DNMT3A: variants seen among roughly 807,000 people sequenced by gnomAD.
The protein encoded by DNMT3A is DNA (cytosine-5)-methyltransferase 3A.
DNMT3A carries 267 observed loss-of-function variants against 117.6 expected under a neutral mutation model. The observed-to-expected ratio is 2.27, with a 90% CI of 2.05 to 2.51. The LOEUF is 2.51. Ranked by LOEUF, DNMT3A falls within the 30% of genes most tolerant of loss-of-function variation. The pLI is 0.00. For synonymous variants in DNMT3A, 432 were observed against 474.8 expected, an observed-to-expected ratio of 0.91 and a Z score of 1.17; for missense variants, 1,029 against 1,260.2, an observed-to-expected ratio of 0.82 and a Z score of 2.78.
chr2:25,328,607 C>A, intron 1 of DNMT3A: 2 of 490,228 alleles, frequency 4.1e-6, no homozygotes, highest in Non-Finnish European at 4.2e-6. Context: ...GCTTGTCCCC[C>A]GCAACCCCGT....
intron 3 of DNMT3A, among the ~76,000 whole-genome samples, chr2:25,295,461 C>T (rs1051259458): frequency 1.3e-5 from 2 of 152,276 alleles, no homozygotes; most frequent in Admixed American, 1.3e-4. Context: ...TTGCCCTCAG[C>T]CCCCTGCAGC....
At chr2:25,271,020 G>A (rs187812246) in intron 6 of DNMT3A, among the ~76,000 whole-genome samples, 165 of 151,782 alleles carry the variant, frequency 1.1e-3, no homozygotes, top group Middle Eastern at 3.4e-3. Flanking sequence ...GCGAAACTCC[G>A]TCTCAAAAAA....
intron 3 of DNMT3A, among the ~76,000 whole-genome samples, chr2:25,285,893 TG>T (rs2032275994): frequency 6.6e-6 from 1 of 152,150 alleles, no homozygotes; most frequent in Non-Finnish European, 1.5e-5. Flanking sequence ...AGCCACCTTC[TG>T]GGATCCAGCT....
At position 25,298,043 on chromosome 2, in the gene DNMT3A, C is replaced by G. The variant is rs1483784033; in HGVS notation, c.177+2096G>C. 6.6e-6 allele frequency among the ~76,000 whole-genome samples: 1 copy of G among 152,262 alleles called. No homozygotes were observed. The highest frequency in any genetic ancestry group is 2.4e-5 in the African/African-American group (1 of 41,480). ...TTGGCCAGGCGGGGGCAGGCCCGAC[C>G]TTTGCTGAGGCTCCTTGGTGCTTGC... On this transcript the variant is annotated intron_variant, in intron 3 of 22. Coordinates refer to ENST00000321117, the MANE Select transcript of DNMT3A (RefSeq NM_022552.5). The surrounding 1 kb of genome is among the most constrained non-coding windows in gnomAD (Gnocchi z 4.3).
chr2:25,307,105 A>G (rs2033820074), intron 2 of DNMT3A, among the ~76,000 whole-genome samples: 1 of 152,216 alleles, frequency 6.6e-6, no homozygotes, highest in South Asian at 2.1e-4. Flanking sequence ...ACTAATCATG[A>G]TGACAGAATG....
intron 1 of DNMT3A, among the ~76,000 whole-genome samples, chr2:25,325,214 C>G (rs1024483807): frequency 8.5e-5 from 13 of 152,192 alleles, no homozygotes; most frequent in South Asian, 8.3e-4. Context: ...AATGAGCCAA[C>G]ACAGACTTCC....
rs181719804 is a variant in DNMT3A, at chr2:25,271,816, A to G, written c.639+3125T>C. 4.2e-3 allele frequency among the ~76,000 whole-genome samples: 635 copies of G among 152,316 alleles called. 4 individuals carry two copies. Among genetic ancestry groups the G allele is most frequent in the African/African-American group, 0.014 (579 of 41,574 alleles). On this transcript the variant is annotated intron_variant, in intron 6 of 22. Coordinates refer to ENST00000321117, the MANE Select transcript of DNMT3A (RefSeq NM_022552.5). ...ATTAAATCAACATTTTGGTTTTTCT[A>G]ATAATGCCCACTGCTACCTTCATTG...
Position 25,243,930 on chromosome 2 carries a change from C to T in DNMT3A, c.1904G>A (p.Arg635Gln), listed in dbSNP as rs751562376. 34 of 1,552,030 alleles carry T rather than the reference C, an allele frequency of 2.2e-5. No homozygotes were observed. Among genetic ancestry groups the T allele is most frequent in the Non-Finnish European group, 2.1e-5 (24 of 1,147,092 alleles). Residue 635 changes from arginine (R) to glutamine (Q), a missense_variant, in exon 16 of 23, where the codon CGG becomes CAG. Arg to Gln is a conservative substitution (Grantham distance 43). Coordinates refer to ENST00000321117, the MANE Select transcript of DNMT3A (RefSeq NM_022552.5). ...PVPAEKRKPIRVLSLFDGIAT... is the reference protein window; with the variant it reads ...PVPAEKRKPIQVLSLFDGIAT... ...GATTCCATCAAAGAGAGACAGCACCCGGATGGGCTTCCTCTTCTCAGCTGG... is the reference window on the plus strand; with the variant it reads ...GATTCCATCAAAGAGAGACAGCACCTGGATGGGCTTCCTCTTCTCAGCTGG...
At chr2:25,235,892 T>C (rs990617076) in intron 21 of DNMT3A, 67 bp from the exon 22 acceptor site, 6 of 1,413,424 alleles carry the variant, frequency 4.2e-6, no homozygotes, top group Non-Finnish European at 6.0e-6. Flanking sequence ...GTCATGCGTC[T>C]ACCAAATATG....
Position 25,239,141 on chromosome 2 carries a change from GGGAA to G in DNMT3A, c.2393_2396del (p.Leu798ProfsTer3), listed in dbSNP as rs1415663114. 6.2e-7 allele frequency: 1 copy of G among 1,613,928 alleles called. No individual in the cohort carries two copies. The highest frequency in any genetic ancestry group is 1.7e-5 in the Admixed American group (1 of 60,002). On this transcript the variant is annotated frameshift_variant, in exon 20 of 23. Coordinates refer to ENST00000321117, the MANE Select transcript of DNMT3A (RefSeq NM_022552.5). LOFTEE classifies it high-confidence loss of function. ...GAGCTTTCACCAACCTGTTCATACC[GGGAA>G]GGTTACCCCAGAAGTAGCGGGCCCT...
intron 6 of DNMT3A, among the ~76,000 whole-genome samples, chr2:25,273,479 G>A (rs1476920579): frequency 1.3e-5 from 2 of 152,118 alleles, no homozygotes. Flanking sequence ...GGAGGCCTGG[G>A]GTAAAGACGA....
At chr2:25,317,812 C>T (rs1279670269) in intron 1 of DNMT3A, among the ~76,000 whole-genome samples, 1 of 152,028 alleles carries the variant, frequency 6.6e-6, no homozygotes, top group Non-Finnish European at 1.5e-5. Flanking sequence ...CTCGGCTCAC[C>T]GCAACCTCCG....
chr2:25,342,164 C>A (rs1282892050), upstream of DNMT3A, among the ~76,000 whole-genome samples: 1 of 145,264 alleles, frequency 6.9e-6, no homozygotes, highest in East Asian at 2.0e-4. This position sits in a 1 kb window ranked among gnomAD's most constrained non-coding sequence, Gnocchi z 5.9. Context: ...GAGGCAGCGC[C>A]GACTGGGGGG....
chr2:25,315,487 C>T (rs542208508), intron 1 of DNMT3A, among the ~76,000 whole-genome samples: 1 of 152,306 alleles, frequency 6.6e-6, no homozygotes, highest in East Asian at 1.9e-4. Context: ...TTCCCCATAC[C>T]CCTAGGCACA....
At chr2:25,338,051 A>T (rs1336969384) in intron 1 of DNMT3A, among the ~76,000 whole-genome samples, 1 of 152,220 alleles carries the variant, frequency 6.6e-6, no homozygotes, top group Non-Finnish European at 1.5e-5. Flanking sequence ...AGACACACTC[A>T]ACTCCCAGTG....
intron 4 of DNMT3A, among the ~76,000 whole-genome samples, chr2:25,279,894 T>C (rs919449051): frequency 6.6e-6 from 1 of 152,120 alleles, no homozygotes; most frequent in African/African-American, 2.4e-5. Flanking sequence ...TTTCACTGTG[T>C]TGGCCCGGCT....
chr2:25,335,629 T>C (rs1349063689), intron 1 of DNMT3A, among the ~76,000 whole-genome samples: 1 of 152,100 alleles, frequency 6.6e-6, no homozygotes, highest in Non-Finnish European at 1.5e-5. Context: ...TGAGCCCCCC[T>C]CCCCTTTCAT....
chr2:25,284,787 C>CT (rs767131144), intron 3 of DNMT3A, among the ~76,000 whole-genome samples: 50 of 151,494 alleles, frequency 3.3e-4, no homozygotes, highest in Admixed American at 9.9e-4. Context: ...AGTGAGCATC[C>CT]TTTCCAGATT....
rs1674890763 is a variant in DNMT3A at position 25,247,054 on chromosome 2, C to T, written c.1119G>A (p.Leu373=). ...PMYRKAIYEV[L]QVASSRAGKL... ...AGCTCCCAGCAGGGACACTCACCTGCAGGACCTCGTAGATGGCTTTGCGGT... is the reference window on the plus strand; with the variant it reads ...AGCTCCCAGCAGGGACACTCACCTGTAGGACCTCGTAGATGGCTTTGCGGT... Residue 373 remains leucine (L), a synonymous_variant, in exon 9 of 23, where the codon CTG becomes CTA. Coordinates refer to ENST00000321117, the MANE Select transcript of DNMT3A (RefSeq NM_022552.5). This position sits in a 1 kb window ranked among gnomAD's most constrained non-coding sequence, Gnocchi z 5.6. The T allele has an allele frequency of 1.9e-6, 3 of 1,613,800 alleles. No individual in the cohort carries two copies. Among genetic ancestry groups the T allele is most frequent in the South Asian group, 2.2e-5 (2 of 91,038 alleles).
Sources: allele counts gnomAD v4.1 joint callset (sites outside exome capture counted in the v4.1 genomes callset), GRCh38; gene constraint gnomAD v4.1.1; non-coding constraint Gnocchi (gnomAD v3.1); transcripts MANE v1.5; gene names NCBI Gene and HGNC (gene_info 2026-07-23, HGNC 2026-07-21).